Variants in MGAT5 observed in about 807,000 individuals in gnomAD.
MGAT5 encodes the protein alpha-1,6-mannosylglycoprotein 6-beta-N-acetylglucosaminyltransferase, also known as alpha-1,6-mannosylglycoprotein 6-beta-N-acetylglucosaminyltransferase A.
A neutral mutation model predicts 94.3 loss-of-function variants in MGAT5; 30 were observed. That is an observed-to-expected ratio of 0.32 (90% CI 0.24 to 0.43). MGAT5 has a LOEUF of 0.43. Among genes scored for constraint, MGAT5 ranks in the 20% least tolerant of loss-of-function variants. The pLI, the probability that MGAT5 is intolerant of heterozygous loss-of-function variation, is 1.00. For synonymous variants in MGAT5, 310 were observed against 322.9 expected (o/e 0.96, Z 0.43); for missense variants, 691 against 905.5 (o/e 0.76, Z 3.04).
rs1323769230 is a variant in MGAT5 at position 134,428,406 on chromosome 2, G to A, written c.1836G>A (p.Met612Ile). Reference protein sequence around the residue: ...YMPYEFTCEGMLQRINAFIEK... With the variant: ...YMPYEFTCEGILQRINAFIEK... Reference sequence around the variant, plus strand: ...CATATGAATTTACGTGCGAGGGGATGCTACAGAGAATCAATGCTTTCATTG... The same window carrying A: ...CATATGAATTTACGTGCGAGGGGATACTACAGAGAATCAATGCTTTCATTG... The change falls in exon 14 of 16, where the codon ATG becomes ATA. Residue 612 changes from methionine (M) to isoleucine (I), a missense_variant. By Grantham distance (10) the Met-to-Ile change is conservative. This residue lies in a region of MGAT5 where 260 missense variants were observed against 347.0 expected (regional missense o/e 0.75). Coordinates refer to ENST00000281923, the MANE Select transcript of MGAT5 (RefSeq NM_002410.5). 6.2e-7 allele frequency: 1 copy of A among 1,613,966 alleles called. No homozygotes were observed. The highest frequency in any genetic ancestry group is 1.3e-5 in the African/African-American group (1 of 74,936).
intron 10 of MGAT5, among the ~76,000 whole-genome samples, chr2:134,363,913 G>A (rs1411398450): frequency 6.6e-6 from 1 of 152,210 alleles, no homozygotes; most frequent in Non-Finnish European, 1.5e-5. Context: ...GTGTTCTCAT[G>A]CTCAGCTTGT....
chr2:134,124,334 T>C (rs551011767), intron 1 of MGAT5, among the ~76,000 whole-genome samples: 44 of 152,226 alleles, frequency 2.9e-4, no homozygotes, highest in Non-Finnish European at 5.6e-4. Flanking sequence ...CACAATTAAG[T>C]GCATCCTTCC....
At chr2:134,357,891 T>A (rs1359366678) in intron 9 of MGAT5, among the ~76,000 whole-genome samples, 1 of 136,994 alleles carries the variant, frequency 7.3e-6, no homozygotes, top group Admixed American at 7.3e-5. Context: ...AAAAAAAAAA[T>A]CAGTTTTTGT....
chr2:134,300,582 T>A (rs1431418309), intron 2 of MGAT5, among the ~76,000 whole-genome samples: 1 of 152,086 alleles, frequency 6.6e-6, no homozygotes, highest in East Asian at 1.9e-4. Context: ...ACCAACAGTT[T>A]GTACTTAAGT....
chr2:134,366,965 G>C (rs1429721329), intron 10 of MGAT5, among the ~76,000 whole-genome samples: 1 of 152,218 alleles, frequency 6.6e-6, no homozygotes, highest in African/African-American at 2.4e-5. Flanking sequence ...TGCAGACCTT[G>C]CTACTTCTAA....
intron 14 of MGAT5, among the ~76,000 whole-genome samples, chr2:134,429,350 C>T (rs527440316): frequency 2.6e-5 from 4 of 152,294 alleles, no homozygotes; most frequent in Admixed American, 1.3e-4. Context: ...AGCTGGGAGC[C>T]GTGGTCATAT....
chr2:134,390,616 G>A (rs1398682531), intron 10 of MGAT5, among the ~76,000 whole-genome samples: 1 of 152,052 alleles, frequency 6.6e-6, no homozygotes, highest in Non-Finnish European at 1.5e-5. Flanking sequence ...TTAAATGTAG[G>A]ACTAATCCAA....
rs552664084 is a variant in MGAT5 at position 134,310,791 on chromosome 2, A to G, written c.407-6738A>G. On this transcript the variant is annotated intron_variant, in intron 2 of 15. Coordinates refer to ENST00000281923, the MANE Select transcript of MGAT5 (RefSeq NM_002410.5). ...GTGAGGTCATTTTCAATGGGAGACT[A>G]TATTCCATCATGGCTGGCTTCAGTC... is the stretch of plus-strand genomic sequence containing the variant. Among the ~76,000 whole-genome samples the G allele has an allele frequency of 2.0e-5, 3 of 152,324 alleles. No homozygotes were observed. In the East Asian group the frequency reaches 5.8e-4, roughly 29 times the overall value.
At chr2:134,154,414 A>G (rs1165089250) in intron 1 of MGAT5, among the ~76,000 whole-genome samples, 2 of 152,172 alleles carry the variant, frequency 1.3e-5, no homozygotes, top group African/African-American at 2.4e-5. Context: ...AGGCCTATCC[A>G]TGCTGTGTTC....
chr2:134,362,512 T>C (rs1240132461), intron 10 of MGAT5, 104 bp downstream of exon 10: 1 of 1,353,932 alleles, frequency 7.4e-7, no homozygotes, highest in Non-Finnish European at 1.0e-6. Context: ...CAGGGCTTAA[T>C]GGGATCTACT....
At chr2:134,239,348 A>G (rs978928358) in intron 1 of MGAT5, among the ~76,000 whole-genome samples, 5 of 152,114 alleles carry the variant, frequency 3.3e-5, no homozygotes, top group Non-Finnish European at 7.4e-5. Flanking sequence ...AGTATTATCA[A>G]TTACTTTTTG....
At chr2:134,445,579 G>A (rs3791324) in intron 15 of MGAT5, among the ~76,000 whole-genome samples, 20,766 of 152,220 alleles carry the variant, frequency 0.14, 2,203 homozygotes, top group African/African-American at 0.28. Flanking sequence ...TGTGACTTCA[G>A]TCACAGCGTG....
chr2:134,276,180 A>G (rs1573679004), intron 2 of MGAT5, among the ~76,000 whole-genome samples: 1 of 117,188 alleles, frequency 8.5e-6, no homozygotes, highest in Non-Finnish European at 1.8e-5. Flanking sequence ...CCGCCCGCCA[A>G]TCTCCACCTC....
chr2:134,141,730 T>C (rs1173215712), intron 1 of MGAT5, among the ~76,000 whole-genome samples: 2 of 152,118 alleles, frequency 1.3e-5, no homozygotes, highest in African/African-American at 4.8e-5. Flanking sequence ...AAGAATGGGA[T>C]GGGAAAGACA....
chr2:134,299,859 C>G (rs1685911469), intron 2 of MGAT5, among the ~76,000 whole-genome samples: 1 of 152,190 alleles, frequency 6.6e-6, no homozygotes, highest in Admixed American at 6.6e-5. Flanking sequence ...CTGGAACACA[C>G]AAACCTTGCT....
At chr2:134,121,821 C>T (rs1288338964) in intron 1 of MGAT5, among the ~76,000 whole-genome samples, 2 of 152,156 alleles carry the variant, frequency 1.3e-5, no homozygotes, top group African/African-American at 2.4e-5. Context: ...ATTGTCAGGA[C>T]CTGATCAACT....
chr2:134,228,484 A>G (rs1379325590), intron 1 of MGAT5, among the ~76,000 whole-genome samples: 1 of 152,236 alleles, frequency 6.6e-6, no homozygotes, highest in African/African-American at 2.4e-5. Flanking sequence ...ACTCTAGTAC[A>G]AATGCCATTT....
intron 10 of MGAT5, among the ~76,000 whole-genome samples, chr2:134,391,895 G>A (rs572928818): frequency 2.0e-5 from 3 of 152,326 alleles, no homozygotes; most frequent in Admixed American, 2.0e-4. Context: ...GAAGAGTCCA[G>A]GTGCAGGTGG....
chr2:134,382,270 C>T (rs1405149479), intron 10 of MGAT5, among the ~76,000 whole-genome samples: 1 of 151,944 alleles, frequency 6.6e-6, no homozygotes, highest in Non-Finnish European at 1.5e-5. Context: ...AAAATAAAGT[C>T]CTAGTGCCCA....
Sources: allele counts gnomAD v4.1 joint callset (sites outside exome capture counted in the v4.1 genomes callset), GRCh38; gene constraint gnomAD v4.1.1; regional missense constraint gnomAD v4.1.1; transcripts MANE v1.5; gene names NCBI Gene and HGNC (gene_info 2026-07-23, HGNC 2026-07-21).